Variants in AOAH observed in about 807,000 individuals in gnomAD.
AOAH encodes the protein acyloxyacyl hydrolase, also known as acyloxyacyl hydrolase (neutrophil).
In AOAH, 64 loss-of-function variants were observed where a neutral mutation model predicts 92.2. The ratio of observed to expected loss-of-function variants is 0.69; its 90% confidence interval spans 0.57 to 0.86. The LOEUF (loss-of-function observed/expected upper bound fraction) is 0.86. AOAH is among the 40% of genes least tolerant of loss of function. AOAH has a pLI of 0.00. For missense variants in AOAH, 656 were observed against 694.6 expected (o/e 0.94, Z 0.62); for synonymous variants, 263 against 254.5 (o/e 1.03, Z -0.32).
At chr7:36,656,885 G>C (rs565396533) in intron 4 of AOAH, among the ~76,000 whole-genome samples, 1 of 148,390 alleles carries the variant, frequency 6.7e-6, no homozygotes, top group Non-Finnish European at 1.5e-5. Context: ...TTTGGTGGGG[G>C]GTGTTGGCAG....
intron 1 of AOAH, among the ~76,000 whole-genome samples, chr7:36,722,920 C>T (rs531945129): frequency 2.8e-5 from 3 of 106,872 alleles, no homozygotes; most frequent in African/African-American, 3.7e-5. Flanking sequence ...GGTGACAGTG[C>T]GATAATCCAT....
intron 9 of AOAH, among the ~76,000 whole-genome samples, chr7:36,620,370 G>A (rs896994716): frequency 6.6e-6 from 1 of 151,600 alleles, no homozygotes; most frequent in Non-Finnish European, 1.5e-5. Flanking sequence ...TAAATACTGA[G>A]TAATTTCTGC....
intron 1 of AOAH, among the ~76,000 whole-genome samples, chr7:36,688,687 GAC>G (rs1797189527): frequency 2.0e-5 from 3 of 152,062 alleles, no homozygotes; most frequent in Non-Finnish European, 4.4e-5. Context: ...TTTAGAGTTA[GAC>G]CATATGTTCC....
At chr7:36,535,837 G>A (rs1484662670) in intron 16 of AOAH, among the ~76,000 whole-genome samples, 1 of 152,212 alleles carries the variant, frequency 6.6e-6, no homozygotes, top group African/African-American at 2.4e-5. Context: ...CTTCCTCACA[G>A]ATCATGGCTG....
chr7:36,693,623 T>C (rs1797539790), intron 1 of AOAH, among the ~76,000 whole-genome samples: 1 of 152,182 alleles, frequency 6.6e-6, no homozygotes, highest in Admixed American at 6.5e-5. Context: ...TAATTTCCTG[T>C]GATACTTCAA....
intron 6 of AOAH, among the ~76,000 whole-genome samples, chr7:36,626,880 A>C (rs1237212355): frequency 6.6e-6 from 1 of 152,150 alleles, no homozygotes; most frequent in Non-Finnish European, 1.5e-5. Context: ...TGGTCTCCCA[A>C]AATGGTGAGA....
chr7:36,578,532 C>T (rs1368742548), intron 12 of AOAH, among the ~76,000 whole-genome samples: 1 of 152,180 alleles, frequency 6.6e-6, no homozygotes, highest in African/African-American at 2.4e-5. Flanking sequence ...CCTCCCTCCA[C>T]TCTCCATTTT....
At chr7:36,705,124 G>A (rs1562715069) in intron 1 of AOAH, among the ~76,000 whole-genome samples, 1 of 152,118 alleles carries the variant, frequency 6.6e-6, no homozygotes, top group East Asian at 1.9e-4. Flanking sequence ...ATTCAACATA[G>A]TATTGGAAGT....
chr7:36,716,350 T>C (rs1378921273), intron 1 of AOAH, among the ~76,000 whole-genome samples: 3 of 150,684 alleles, frequency 2.0e-5, no homozygotes, highest in Non-Finnish European at 4.4e-5. Context: ...TGTGGAGAAA[T>C]AGGAACACTT....
At chr7:36,642,897 T>C (rs1195079418) in intron 4 of AOAH, among the ~76,000 whole-genome samples, 2 of 152,230 alleles carry the variant, frequency 1.3e-5, no homozygotes, top group African/African-American at 2.4e-5. Flanking sequence ...CATTAGTTAC[T>C]AGTTGTAGGA....
chr7:36,592,093 T>C (rs1789784682), intron 12 of AOAH, among the ~76,000 whole-genome samples: 1 of 152,234 alleles, frequency 6.6e-6, no homozygotes, highest in Non-Finnish European at 1.5e-5. Context: ...TACAGTAAAC[T>C]GTGTTCATTG....
intron 12 of AOAH, among the ~76,000 whole-genome samples, chr7:36,593,099 C>T (rs1051909707): frequency 6.6e-6 from 1 of 152,120 alleles, no homozygotes; most frequent in East Asian, 1.9e-4. Flanking sequence ...TCTTTTTCCT[C>T]GGAGCCCCGT....
intron 6 of AOAH, among the ~76,000 whole-genome samples, chr7:36,630,138 A>C (rs908755870): frequency 1.3e-5 from 2 of 152,246 alleles, no homozygotes; most frequent in Non-Finnish European, 2.9e-5. Flanking sequence ...AAGGGATCCA[A>C]CTAGAATCTT....
At chr7:36,532,366 T>C (rs1392761188) in intron 16 of AOAH, 22 bp from the exon 17 acceptor site, 1 of 1,612,376 alleles carries the variant, frequency 6.2e-7, no homozygotes, top group Non-Finnish European at 8.5e-7. Flanking sequence ...AGAGGTCTGG[T>C]AGATTGCATC....
intron 18 of AOAH, 66 bp from the exon 19 acceptor site, chr7:36,530,580 G>A (rs745325901): frequency 1.1e-5 from 12 of 1,080,802 alleles, no homozygotes; most frequent in Non-Finnish European, 1.6e-5. Context: ...AGACAATTCA[G>A]GCAGAACAAA....
intron 3 of AOAH, among the ~76,000 whole-genome samples, chr7:36,664,921 C>T (rs1164483704): frequency 6.6e-6 from 1 of 152,072 alleles, no homozygotes; most frequent in Non-Finnish European, 1.5e-5. Flanking sequence ...GGGGAAAGTA[C>T]CACACTCTTT....
intron 2 of AOAH, among the ~76,000 whole-genome samples, chr7:36,681,774 C>T (rs1310926638): frequency 6.6e-6 from 1 of 152,114 alleles, no homozygotes; most frequent in Non-Finnish European, 1.5e-5. Context: ...GCACCTCAGC[C>T]TGGGTGACAG....
intron 19 of AOAH, 72 bp from the exon 20 acceptor site, chr7:36,522,187 G>T (rs573935522): frequency 2.1e-6 from 3 of 1,445,622 alleles, no homozygotes; most frequent in Non-Finnish European, 2.9e-6. Flanking sequence ...GGACAAGGAC[G>T]TGAGAACTGC....
intron 12 of AOAH, among the ~76,000 whole-genome samples, chr7:36,582,889 G>A (rs1317397306): frequency 6.6e-6 from 1 of 151,348 alleles, no homozygotes; most frequent in Non-Finnish European, 1.5e-5. Flanking sequence ...CTGTCACCCA[G>A]GCTGGAGTGC....
Sources: gnomAD v4.1 joint callset for allele counts (sites outside exome capture counted in the v4.1 genomes callset) on GRCh38, gnomAD v4.1.1 for gene constraint, MANE v1.5 for transcripts, NCBI Gene and HGNC (gene_info 2026-07-23, HGNC 2026-07-21) for gene names.